Variants in ALG13 observed in about 807,000 individuals in gnomAD.
ALG13 encodes the protein ALG13 UDP-N-acetylglucosaminyltransferase subunit, also known as UDP-N-acetylglucosamine transferase subunit ALG13.
ALG13 carries 11 observed loss-of-function variants against 87.8 expected under a neutral mutation model. The observed-to-expected ratio is 0.13, with a 90% CI of 0.08 to 0.21. ALG13 has a LOEUF of 0.21. Ranked by LOEUF, ALG13 falls within the 10% of genes least tolerant of loss-of-function variation. The pLI, the probability that ALG13 is intolerant of heterozygous loss-of-function variation, is 1.00. For synonymous variants in ALG13, 320 were observed against 306.3 expected (o/e 1.04, Z -0.47); for missense variants, 756 against 866.1 (o/e 0.87, Z 1.60).
At chrX:111,726,227 G>GTTTTTTT (rs1448726593) in intron 15 of ALG13, among the ~76,000 whole-genome samples, 1 of 83,737 alleles carries the variant, frequency 1.2e-5, no homozygotes, top group African/African-American at 5.2e-5. Context: ...TTACAGGCGT[G>GTTTTTTT]TTTTGTTTTT....
At chrX:111,715,663 A>T (rs759588816) in intron 8 of ALG13, among the ~76,000 whole-genome samples, 4 of 112,639 alleles carry the variant, frequency 3.6e-5, no homozygotes, top group Non-Finnish European at 7.5e-5. Context: ...GGTTGCAGTG[A>T]GCCAAGATTG....
In ALG13 at chrX:111,717,868, G is replaced by C; in HGVS notation, c.1028G>C (p.Ser343Thr). 8.3e-7 allele frequency: 1 copy of C among 1,204,238 alleles called. No homozygotes were observed. Among genetic ancestry groups the C allele is most frequent in the Non-Finnish European group, 1.1e-6 (1 of 890,651 alleles). ...EDKILLCYSS[S>T]GHYDSVYSKQ... ...TAGATTCTACTCTGCTACTCAAGTA[G>C]TGGTCACTATGATTCTGTGTACTCA... is the stretch of plus-strand genomic sequence containing the variant. Residue 343 changes from serine (S) to threonine (T), a missense_variant, in exon 9 of 27, where the codon AGT (serine) becomes ACT (threonine). Coordinates refer to ENST00000394780, the MANE Select transcript of ALG13 (RefSeq NM_001099922.3).
chrX:111,705,125 T>C (rs1938506210), intron 3 of ALG13, among the ~76,000 whole-genome samples: 1 of 111,966 alleles, frequency 8.9e-6, no homozygotes, highest in South Asian at 3.7e-4. Flanking sequence ...GACCAGTTTC[T>C]CCAATCCTTG....
At chrX:111,713,797 C>T (rs1031257139) in intron 8 of ALG13, among the ~76,000 whole-genome samples, 3 of 111,854 alleles carry the variant, frequency 2.7e-5, no homozygotes, top group Non-Finnish European at 5.6e-5. Flanking sequence ...CTTTCATTAT[C>T]TGAAAGTTTC....
chrX:111,750,965 G>A (rs1373308052), intron 24 of ALG13, among the ~76,000 whole-genome samples: 1 of 110,350 alleles, frequency 9.1e-6, no homozygotes, highest in African/African-American at 3.3e-5. Context: ...CACTGTGCCC[G>A]GCCAGCAATA....
At chrX:111,739,345 G>A (rs1943551365) in intron 23 of ALG13, among the ~76,000 whole-genome samples, 1 of 112,196 alleles carries the variant, frequency 8.9e-6, no homozygotes. Flanking sequence ...GACACCTGGG[G>A]ATTACAACTC....
chrX:111,701,471 T>C (rs940045693), intron 3 of ALG13, among the ~76,000 whole-genome samples: 1 of 112,018 alleles, frequency 8.9e-6, no homozygotes, highest in African/African-American at 3.2e-5. Flanking sequence ...TCTTCTAGAC[T>C]ATCCAATTTG....
chrX:111,757,111 T>C (rs1309684273), intron 25 of ALG13, among the ~76,000 whole-genome samples: 5 of 112,118 alleles, frequency 4.5e-5, no homozygotes, highest in Admixed American at 3.8e-4. Context: ...CTGTATACTT[T>C]ATATATTTTC....
chrX:111,688,306 A>G (rs1935475204), intron 3 of ALG13: 17 of 732,671 alleles, frequency 2.3e-5, no homozygotes, highest in Non-Finnish European at 2.6e-5. Context: ...AAACTTTCAC[A>G]AAGATTATAA....
At chrX:111,732,619 A>G (rs1452936181) in intron 21 of ALG13, among the ~76,000 whole-genome samples, 1 of 112,223 alleles carries the variant, frequency 8.9e-6, no homozygotes, top group Non-Finnish European at 1.9e-5. Context: ...CAATCCTACC[A>G]TCTATTCAGG....
chrX:111,716,115 A>G (rs1940557285), intron 8 of ALG13, among the ~76,000 whole-genome samples: 1 of 112,006 alleles, frequency 8.9e-6, no homozygotes, highest in African/African-American at 3.2e-5. Context: ...ATCTTTCTGT[A>G]TCATTTTATT....
intron 23 of ALG13, among the ~76,000 whole-genome samples, chrX:111,742,293 A>G (rs1203659736): frequency 9.0e-6 from 1 of 111,020 alleles, no homozygotes. Context: ...CCAGGTAACA[A>G]GATGTGATGA....
chrX:111,730,674 A>G lies in ALG13; in HGVS notation c.2457+94A>G, dbSNP rs868304600. 26 of 641,506 alleles carry G rather than the reference A, an allele frequency of 4.1e-5. No homozygotes were observed. In the African/African-American group the frequency reaches 5.4e-4, roughly 13 times the overall value. The allele number at this position is 641,506 out of a possible 1,213,427, so 52.9% of individuals were successfully genotyped here. A position where few individuals can be genotyped will look rare whatever the true frequency, so the allele number is the denominator to read the frequency against. ...ATATAAATGTATTTAAATCAGAACA[A>G]CCCTGTGAGGCTTAGTATCATTCTC... On this transcript the variant is annotated intron_variant, in intron 21 of 26. Transcript: ENST00000394780.
At chrX:111,746,203 A>G (rs1944226567) in intron 24 of ALG13, among the ~76,000 whole-genome samples, 1 of 111,900 alleles carries the variant, frequency 8.9e-6, no homozygotes, top group Admixed American at 9.6e-5. Context: ...TGAAATGTAC[A>G]AAACTTAAAT....
At chrX:111,741,037 T>C (rs1943696331) in intron 23 of ALG13, among the ~76,000 whole-genome samples, 1 of 112,363 alleles carries the variant, frequency 8.9e-6, no homozygotes, top group Admixed American at 9.4e-5. Context: ...GCTACTAAGA[T>C]TGCAAAGTCA....
At chrX:111,712,845 T>C (rs908644820) in intron 7 of ALG13, among the ~76,000 whole-genome samples, 1 of 111,469 alleles carries the variant, frequency 9.0e-6, no homozygotes, top group Non-Finnish European at 1.9e-5. Context: ...ATAAACCATA[T>C]AGTCTGCAAA....
intron 12 of ALG13, among the ~76,000 whole-genome samples, chrX:111,722,110 A>C (rs1035483076): frequency 4.5e-5 from 5 of 112,130 alleles, no homozygotes; most frequent in African/African-American, 1.6e-4. Context: ...AATGGTCTTT[A>C]ATTCTTAAAT....
intron 24 of ALG13, among the ~76,000 whole-genome samples, chrX:111,748,761 C>T (rs376710109): frequency 1.8e-5 from 2 of 111,193 alleles, no homozygotes; most frequent in Non-Finnish European, 3.8e-5. Context: ...TCTAATTGAT[C>T]ATTTTTTGGT....
chrX:111,705,336 T>C (rs768560481), intron 3 of ALG13, among the ~76,000 whole-genome samples: 3 of 112,164 alleles, frequency 2.7e-5, no homozygotes, highest in Admixed American at 9.4e-5. Context: ...ATTTTTTTTA[T>C]TGTTGACTTT....
Sources: gnomAD v4.1 joint callset for allele counts (sites outside exome capture counted in the v4.1 genomes callset) on GRCh38, gnomAD v4.1.1 for gene constraint, MANE v1.5 for transcripts, NCBI Gene and HGNC (gene_info 2026-07-23, HGNC 2026-07-21) for gene names.